Variants in FAM135A observed in about 807,000 individuals in gnomAD.
The protein encoded by FAM135A is protein FAM135A.
Under a neutral mutation model 146.8 loss-of-function variants are expected in FAM135A, and 79 were observed. The observed-to-expected ratio is 0.54, with a 90% CI of 0.45 to 0.65. The LOEUF (loss-of-function observed/expected upper bound fraction) is 0.65, where lower values mean the gene tolerates loss of function less well. Ranked by LOEUF, FAM135A falls within the 30% of genes least tolerant of loss-of-function variation. The pLI, the probability that FAM135A is intolerant of heterozygous loss-of-function variation, is 0.00. For synonymous variants in FAM135A, 562 were observed against 603.6 expected, an observed-to-expected ratio of 0.93 and a Z score of 1.01; for missense variants, 1,623 against 1,758.2, an observed-to-expected ratio of 0.92 and a Z score of 1.38.
At chr6:70,489,652 CT>C (rs1258612722) in intron 10 of FAM135A, among the ~76,000 whole-genome samples, 16 of 152,168 alleles carry the variant, frequency 1.1e-4, no homozygotes, top group Non-Finnish European at 1.9e-4. Flanking sequence ...CTGGGGAACT[CT>C]ATGAAGAATA....
At chr6:70,520,064 G>C (rs989128541) in intron 12 of FAM135A, among the ~76,000 whole-genome samples, 1 of 152,000 alleles carries the variant, frequency 6.6e-6, no homozygotes, top group Admixed American at 6.5e-5. Flanking sequence ...ATCTTTTATA[G>C]GGGAATTCTA....
chr6:70,548,385 G>A (rs1799223353), intron 20 of FAM135A, among the ~76,000 whole-genome samples: 1 of 152,188 alleles, frequency 6.6e-6, no homozygotes, highest in South Asian at 2.1e-4. Context: ...ACATTTAGAA[G>A]TGTAACAACA....
intron 18 of FAM135A, among the ~76,000 whole-genome samples, chr6:70,535,308 T>A (rs1796593113): frequency 6.6e-6 from 1 of 152,170 alleles, no homozygotes; most frequent in African/African-American, 2.4e-5. Context: ...TACCATCTGT[T>A]GTAAAATAAC....
At position 70,413,655 on chromosome 6, in the gene FAM135A, G is replaced by A. The variant is rs149723236; in HGVS notation, c.-267G>A. ...GGCCGTCTTCTTGCAGCTGGACAAC[G>A]AGCTCCTCCGTTCGACAGGCGGGGG... On this transcript the variant is annotated 5_prime_UTR_variant, in exon 1 of 22. Transcript: ENST00000418814. The A allele has an allele frequency of 6.7e-3, 1,950 of 291,790 alleles. 6 individuals are homozygous for A. The highest frequency in any genetic ancestry group is 8.2e-3 in the Non-Finnish European group (1,593 of 195,346). The allele number at this position is 291,790 out of a possible 1,614,324, so 18.1% of individuals were successfully genotyped here.
chr6:70,522,425 T>A (rs1261642352), intron 12 of FAM135A, 88 bp from the exon 13 acceptor site: 3 of 1,068,724 alleles, frequency 2.8e-6, no homozygotes, highest in Non-Finnish European at 4.3e-6. Flanking sequence ...GAAGGCGTAA[T>A]GGAGGCAGTT....
Position 70,451,071 on chromosome 6 carries a change from C to T in FAM135A, c.78-1421C>T, listed in dbSNP as rs559617941. Among the ~76,000 whole-genome samples the T allele has an allele frequency of 6.6e-5, 10 of 152,054 alleles. No homozygotes were observed. The South Asian group carries it at 1.0e-3, about 16-fold the overall frequency. The stretch of plus-strand genomic sequence containing the variant: ...TTCCTCTTTTTGCTCAAGATTGCTT[C>T]GACTATTCAGAGTATTTTGTGGTCC... On this transcript the variant is annotated intron_variant, in intron 4 of 21. Coordinates refer to ENST00000418814, the MANE Select transcript of FAM135A (RefSeq NM_001162529.3).
Position 70,559,892 on chromosome 6 carries a change from C to T in FAM135A, c.4519C>T (p.Leu1507=), listed in dbSNP as rs1380232147. 2.5e-6 allele frequency: 4 copies of T among 1,613,596 alleles called. No individual in the cohort carries two copies. The African/African-American group carries it at 5.3e-5, about 22-fold the overall frequency. ...GGAAATATTTTTAGAGAAATTCTTT[C>T]TGGTTGCTGCCCTCAAATATTTCCA... ...DSEIFLEKFF[L]VAALKYFQ is the part of the protein sequence containing the mutation. The change falls in exon 22 of 22, where the codon CTG becomes TTG. Residue 1507 remains leucine, a synonymous_variant. Transcript: ENST00000418814.
At chr6:70,554,990 T>G (rs1800560659) in intron 20 of FAM135A, among the ~76,000 whole-genome samples, 1 of 152,228 alleles carries the variant, frequency 6.6e-6, no homozygotes, top group Non-Finnish European at 1.5e-5. Context: ...TTTAGCTCAT[T>G]CAATTTATAG....
chr6:70,526,916 T>A (rs1053829632), intron 15 of FAM135A, among the ~76,000 whole-genome samples: 1 of 151,956 alleles, frequency 6.6e-6, no homozygotes, highest in African/African-American at 2.4e-5. Context: ...GAAATGAACA[T>A]AATATACCCT....
chr6:70,413,886 G>T (rs1766845423), intron 1 of FAM135A, 184 bp downstream of exon 1: 1 of 985,294 alleles, frequency 1.0e-6, no homozygotes. Context: ...AAGGTCGGTG[G>T]GGACGGCGGT....
chr6:70,527,780 CCTT>C (rs1795039719), intron 15 of FAM135A, among the ~76,000 whole-genome samples: 2 of 152,130 alleles, frequency 1.3e-5, no homozygotes, highest in Non-Finnish European at 1.5e-5. Context: ...TCGTTCTGCT[CCTT>C]CTTATTGGTA....
chr6:70,501,531 C>T (rs1159763516), intron 11 of FAM135A, among the ~76,000 whole-genome samples: 1 of 152,144 alleles, frequency 6.6e-6, no homozygotes, highest in Non-Finnish European at 1.5e-5. Context: ...TTCCAGGCAC[C>T]ACTGGGTTAT....
chr6:70,470,376 A>G lies in FAM135A; in HGVS notation c.158-5034A>G, dbSNP rs558921808. Among the ~76,000 whole-genome samples the G allele has an allele frequency of 3.3e-5, 5 of 151,544 alleles. No individual in the cohort carries two copies. In the East Asian group the frequency reaches 5.8e-4, roughly 18 times the overall value. On this transcript the variant is annotated intron_variant, in intron 5 of 21. Transcript: ENST00000418814. ...TACTATTACTTCTTTTTTTTTGGAG[A>G]TGGAGTTTCACCCTGTTGCCCAAGC...
chr6:70,496,015 A>G (rs915325673), intron 11 of FAM135A, among the ~76,000 whole-genome samples: 6 of 151,960 alleles, frequency 3.9e-5, no homozygotes, highest in African/African-American at 1.5e-4. Context: ...TATGTGCCAC[A>G]TTTTCTTTAC....
chr6:70,538,285 C>G lies in FAM135A; in HGVS notation c.4118-6C>G. The G allele has an allele frequency of 6.8e-7, 1 of 1,459,966 alleles. No homozygotes were observed. Among genetic ancestry groups the G allele is most frequent in the Non-Finnish European group, 9.1e-7 (1 of 1,093,500 alleles). 90.4% of individuals were successfully genotyped at this position (1,459,966 alleles called of 1,614,324 possible). ...TCATACTTCTATATCATATATGACT[C>G]TCTAGGTCTCTGGTTTATGCAGAAA... On this transcript the variant is annotated splice_region_variant and splice_polypyrimidine_tract_variant and intron_variant, in intron 19 of 21. Coordinates refer to ENST00000418814, the MANE Select transcript of FAM135A (RefSeq NM_001162529.3).
chr6:70,414,426 T>G (rs1767060412), intron 1 of FAM135A, among the ~76,000 whole-genome samples: 1 of 152,102 alleles, frequency 6.6e-6, no homozygotes, highest in South Asian at 2.1e-4. Flanking sequence ...TCGCTTTCTG[T>G]CTAATGGCCC....
chr6:70,525,025 A>G lies in FAM135A; in HGVS notation c.1941A>G (p.Gln647=), dbSNP rs747772126. The G allele has an allele frequency of 6.9e-6, 11 of 1,597,034 alleles. No individual in the cohort carries two copies. Among genetic ancestry groups the G allele is most frequent in the Non-Finnish European group, 9.4e-6 (11 of 1,174,448 alleles). Residue 647 remains glutamine (Q), a synonymous_variant, in exon 15 of 22, where the codon CAA becomes CAG. Coordinates refer to ENST00000418814, the MANE Select transcript of FAM135A (RefSeq NM_001162529.3). ...CATCAGACGATTGCCATGATCATCA[A>G]ACAACCCCATCTTTGGGAGTTAGAA... ...RRSSDDCHDH[Q]TTPSLGVRTI... is the part of the protein sequence containing the mutation.
chr6:70,461,259 C>G (rs1582285109), intron 5 of FAM135A, among the ~76,000 whole-genome samples: 1 of 152,258 alleles, frequency 6.6e-6, no homozygotes, highest in African/African-American at 2.4e-5. Flanking sequence ...ACTTAACCTC[C>G]TTGAGCTTCA....
chr6:70,544,235 A>G (rs1247416948), intron 20 of FAM135A, among the ~76,000 whole-genome samples: 1 of 151,794 alleles, frequency 6.6e-6, no homozygotes, highest in Non-Finnish European at 1.5e-5. Flanking sequence ...GCTTGGGCTT[A>G]GGAGTTTAAG....
Sources: gnomAD v4.1 joint callset for allele counts (sites outside exome capture counted in the v4.1 genomes callset) on GRCh38, gnomAD v4.1.1 for gene constraint, MANE v1.5 for transcripts, NCBI Gene and HGNC (gene_info 2026-07-23, HGNC 2026-07-21) for gene names.